Variants in CD160 observed in about 807,000 individuals in gnomAD.
CD160 encodes CD160 antigen.
In CD160, 11 loss-of-function variants were observed where a neutral mutation model predicts 19.2. The ratio of observed to expected loss-of-function variants is 0.57; its 90% CI spans 0.36 to 0.95. CD160 has a LOEUF of 0.95. CD160 is among the 40% of genes least tolerant of loss of function. The pLI is 0.01. For synonymous variants in CD160, 75 were observed against 81.1 expected, an observed-to-expected ratio of 0.93 and a Z score of 0.40; for missense variants, 182 against 213.2, an observed-to-expected ratio of 0.85 and a Z score of 0.91.
At chr1:145,732,607 G>T (rs1301228919) in intron 4 of CD160, among the ~76,000 whole-genome samples, 1 of 152,082 alleles carries the variant, frequency 6.6e-6, no homozygotes, top group East Asian at 1.9e-4. Context: ...AGATCTCTAG[G>T]AGGTAAAAAT....
Position 145,730,897 on chromosome 1 carries a change from A to G in CD160, c.227A>G (p.Gln76Arg). The G allele has an allele frequency of 6.2e-7, 1 of 1,614,218 alleles. No individual in the cohort carries two copies. The highest frequency in any genetic ancestry group is 2.2e-5 in the East Asian group (1 of 44,884). Reference sequence around the variant, plus strand: ...TGTTCTCCTGAGACCAGTTTAAAACAGCTGAGACTTAAAAGGGATCCTGGG... The same window carrying G: ...TGTTCTCCTGAGACCAGTTTAAAACGGCTGAGACTTAAAAGGGATCCTGGG... ...GDCSPETSLK[Q>R]LRLKRDPGID... Residue 76 changes from glutamine (Q) to arginine (R), a missense_variant, in exon 4 of 6, where the codon CAG (glutamine) becomes CGG (arginine). By Grantham distance (43) the Gln-to-Arg change is conservative. Transcript: ENST00000369288.
At chr1:145,722,934 T>A (rs1656913127) in intron 1 of CD160, among the ~76,000 whole-genome samples, 1 of 152,198 alleles carries the variant, frequency 6.6e-6, no homozygotes, top group Non-Finnish European at 1.5e-5. Flanking sequence ...ACACAAACAC[T>A]CTGGCTCTAG....
chr1:145,734,303 T>A (rs1288061849), intron 4 of CD160, among the ~76,000 whole-genome samples: 1 of 152,184 alleles, frequency 6.6e-6, no homozygotes, highest in African/African-American at 2.4e-5. Flanking sequence ...AGCTGTTGCC[T>A]AATGGTCCAG....
At chr1:145,733,405 G>A (rs1232980786) in intron 4 of CD160, among the ~76,000 whole-genome samples, 7 of 152,118 alleles carry the variant, frequency 4.6e-5, no homozygotes, top group Non-Finnish European at 1.0e-4. Flanking sequence ...TAGCCAAAGT[G>A]CTGGGATTAC....
At chr1:145,731,178 T>A in intron 4 of CD160, 108 bp downstream of exon 4, 1 of 816,384 alleles carries the variant, frequency 1.2e-6, no homozygotes, top group Non-Finnish European at 2.0e-6. Flanking sequence ...TCCTTCTTCC[T>A]CAATCCTTTT....
Position 145,738,527 on chromosome 1 carries a change from C to T in CD160, c.*34C>T, listed in dbSNP as rs1553710576. On this transcript the variant is annotated 3_prime_UTR_variant, in exon 6 of 6. Coordinates refer to ENST00000369288, the MANE Select transcript of CD160 (RefSeq NM_007053.4). ...CCAAAAGAAACTTTTAAAACAGCTA[C>T]AGCAAGATGAGTCTGACTATGGCTT... is the stretch of plus-strand genomic sequence containing the variant. 7 of 1,304,994 alleles carry T rather than the reference C, an allele frequency of 5.4e-6. No individual in the cohort carries two copies. Among genetic ancestry groups the T allele is most frequent in the Non-Finnish European group, 6.9e-6 (7 of 1,011,254 alleles). The allele number at this position is 1,304,994 out of a possible 1,614,324, so 80.8% of individuals were successfully genotyped here. A position where few individuals can be genotyped will look rare whatever the true frequency, so the allele number is the denominator to read the frequency against.
At position 145,731,011 on chromosome 1, in the gene CD160, C is replaced by G. The variant is rs1657270914; in HGVS notation, c.341C>G (p.Ala114Gly). ...CACAGTGGGACCTACCAGTGTTGTGCCAGAAGCCAGAAGTCAGGTATCCGC... is the reference window on the plus strand; with the variant it reads ...CACAGTGGGACCTACCAGTGTTGTGGCAGAAGCCAGAAGTCAGGTATCCGC... Reference protein sequence around the residue: ...PLHSGTYQCCARSQKSGIRLQ... With the variant: ...PLHSGTYQCCGRSQKSGIRLQ... The change falls in exon 4 of 6, where the codon GCC becomes GGC. Residue 114 changes from alanine to glycine, a missense_variant. Coordinates refer to ENST00000369288, the MANE Select transcript of CD160 (RefSeq NM_007053.4). 1.2e-6 allele frequency: 2 copies of G among 1,614,014 alleles called. No individual in the cohort carries two copies. The highest frequency in any genetic ancestry group is 2.7e-5 in the African/African-American group (2 of 74,898).
At chr1:145,728,442 C>A in intron 3 of CD160, 42 bp downstream of exon 3, 1 of 1,328,692 alleles carries the variant, frequency 7.5e-7, no homozygotes. Context: ...TGGGGAGGAT[C>A]CTGGGCTTGT....
chr1:145,729,853 C>A (rs782130392), intron 3 of CD160, among the ~76,000 whole-genome samples: 3 of 152,162 alleles, frequency 2.0e-5, no homozygotes, highest in Non-Finnish European at 4.4e-5. Flanking sequence ...TGTGGTCTCT[C>A]TCATCCTATA....
intron 1 of CD160, 31 bp downstream of exon 1, chr1:145,719,590 AG>A (rs782075634): frequency 6.6e-6 from 1 of 152,396 alleles, no homozygotes; most frequent in Non-Finnish European, 1.5e-5. Context: ...CCTGGGGTCC[AG>A]GTGAAGGGAT....
At chr1:145,737,829 A>C (rs1163472473) in intron 5 of CD160, 1 of 151,720 alleles carries the variant, frequency 6.6e-6, no homozygotes, top group African/African-American at 2.4e-5. Flanking sequence ...TTTTGAATCC[A>C]ATTTTTTGTT....
chr1:145,722,785 G>A (rs1656904282), intron 1 of CD160, among the ~76,000 whole-genome samples: 1 of 151,994 alleles, frequency 6.6e-6, no homozygotes, highest in Non-Finnish European at 1.5e-5. Context: ...TAGTAGAGAT[G>A]GGGTTTCACC....
rs139405303 is a variant in CD160 at position 145,722,994 on chromosome 1, C to T, written c.-178-1807C>T. On this transcript the variant is annotated intron_variant, in intron 1 of 5. Transcript: ENST00000369288. ...CTGGGCTGAATGAATAATTGCAATC[C>T]TTCTTTGTCTTCCTCTTTGAATAAA... Among the ~76,000 whole-genome samples the T allele has an allele frequency of 2.0e-4, 30 of 152,278 alleles. No homozygotes were observed. The East Asian group carries it at 5.2e-3, about 26-fold the overall frequency.
intron 4 of CD160, among the ~76,000 whole-genome samples, chr1:145,733,302 A>AT (rs1436559045): frequency 6.4e-4 from 97 of 151,442 alleles, no homozygotes; most frequent in African/African-American, 2.2e-3. Context: ...CATCCAACTA[A>AT]TTTTTTTTGT....
chr1:145,721,881 A>C (rs1656865670), intron 1 of CD160, among the ~76,000 whole-genome samples: 1 of 152,090 alleles, frequency 6.6e-6, no homozygotes, highest in Non-Finnish European at 1.5e-5. Flanking sequence ...TTGACACTTT[A>C]TGACCTTATT....
intron 5 of CD160, 139 bp from the exon 6 acceptor site, chr1:145,738,347 C>G (rs1657579701): frequency 2.1e-6 from 1 of 478,586 alleles, no homozygotes. Context: ...TAAAATAGTT[C>G]CCACTTTCCT....
At chr1:145,722,756 T>C in intron 1 of CD160, among the ~76,000 whole-genome samples, 1 of 152,158 alleles carries the variant, frequency 6.6e-6, no homozygotes, top group East Asian at 1.9e-4. Flanking sequence ...CACGCCCGGC[T>C]AATTTTTTGT....
At chr1:145,733,658 C>T (rs942273327) in intron 4 of CD160, among the ~76,000 whole-genome samples, 2 of 151,998 alleles carry the variant, frequency 1.3e-5, no homozygotes, top group African/African-American at 4.8e-5. Flanking sequence ...CTGACTATTC[C>T]CTCCTTCATC....
chr1:145,735,813 T>C (rs1474543901), intron 4 of CD160, among the ~76,000 whole-genome samples, 184 bp from the exon 5 acceptor site: 9 of 152,202 alleles, frequency 5.9e-5, no homozygotes, highest in Non-Finnish European at 1.3e-4. Flanking sequence ...GGAGATTCTA[T>C]ACTTATTTAT....
Sources: allele counts gnomAD v4.1 joint callset (sites outside exome capture counted in the v4.1 genomes callset), GRCh38; gene constraint gnomAD v4.1.1; transcripts MANE v1.5; gene names NCBI Gene and HGNC (gene_info 2026-07-23, HGNC 2026-07-21).